MAP4K3: variants seen among roughly 807,000 people sequenced by gnomAD.
MAP4K3 encodes mitogen-activated protein kinase kinase kinase kinase 3.
MAP4K3 carries 94 observed loss-of-function variants against 143.5 expected under a neutral mutation model. That is an observed-to-expected ratio of 0.65 (90% CI 0.55 to 0.78). MAP4K3 has a LOEUF of 0.78. Ranked by LOEUF, MAP4K3 falls within the 30% of genes least tolerant of loss-of-function variation. The pLI, the probability that MAP4K3 is intolerant of heterozygous loss-of-function variation, is 0.00. For missense variants in MAP4K3, 1,077 were observed against 1,068.1 expected (o/e 1.01, Z -0.12); for synonymous variants, 416 against 347.2 (o/e 1.20, Z -2.20).
At chr2:39,389,038 C>G (rs996851617) in intron 1 of MAP4K3, among the ~76,000 whole-genome samples, 5 of 152,016 alleles carry the variant, frequency 3.3e-5, no homozygotes, top group African/African-American at 1.2e-4. Context: ...ACATTACAAT[C>G]AAGTACGCTT....
intron 3 of MAP4K3, among the ~76,000 whole-genome samples, chr2:39,348,916 A>G (rs1450969437): frequency 2.0e-5 from 3 of 152,204 alleles, no homozygotes; most frequent in Non-Finnish European, 4.4e-5. Flanking sequence ...AAAACTGACC[A>G]AACTAAGTAT....
At chr2:39,432,296 T>C (rs1436850241) in intron 1 of MAP4K3, among the ~76,000 whole-genome samples, 2 of 152,236 alleles carry the variant, frequency 1.3e-5, no homozygotes, top group African/African-American at 4.8e-5. Flanking sequence ...AAGTACTTCC[T>C]TTAGGTAATC....
intron 1 of MAP4K3, among the ~76,000 whole-genome samples, chr2:39,395,644 T>C (rs1558685901): frequency 1.3e-5 from 2 of 152,164 alleles, no homozygotes; most frequent in African/African-American, 4.8e-5. Flanking sequence ...TATTTATCCA[T>C]TACCATTTAC....
At chr2:39,394,012 A>T (rs368506396) in intron 1 of MAP4K3, among the ~76,000 whole-genome samples, 112 of 152,258 alleles carry the variant, frequency 7.4e-4, no homozygotes, top group African/African-American at 2.5e-3. Context: ...TTTCAAAGTA[A>T]ATTAAATTAA....
At chr2:39,387,726 A>G (rs1266042887) in intron 1 of MAP4K3, among the ~76,000 whole-genome samples, 1 of 152,224 alleles carries the variant, frequency 6.6e-6, no homozygotes, top group Non-Finnish European at 1.5e-5. Flanking sequence ...ATAAGAAAAG[A>G]GCAGATCTCC....
At chr2:39,330,197 C>T (rs1458287621) in intron 8 of MAP4K3, among the ~76,000 whole-genome samples, 1 of 151,814 alleles carries the variant, frequency 6.6e-6, no homozygotes, top group Non-Finnish European at 1.5e-5. Flanking sequence ...AAAGTAAAAA[C>T]AATAAAAAAA....
At chr2:39,384,789 T>C (rs1336059113) in intron 1 of MAP4K3, among the ~76,000 whole-genome samples, 4 of 152,168 alleles carry the variant, frequency 2.6e-5, no homozygotes, top group Non-Finnish European at 5.9e-5. Context: ...GACAATAAAA[T>C]GGATTTTTAA....
At chr2:39,274,395 T>G (rs1037924445) in intron 24 of MAP4K3, among the ~76,000 whole-genome samples, 3 of 151,964 alleles carry the variant, frequency 2.0e-5, no homozygotes, top group African/African-American at 4.8e-5. Context: ...TTTTTTTTTG[T>G]ATTTTTAGTA....
At chr2:39,435,307 A>C (rs1226360312) in intron 1 of MAP4K3, among the ~76,000 whole-genome samples, 7 of 152,188 alleles carry the variant, frequency 4.6e-5, no homozygotes, top group Non-Finnish European at 1.0e-4. Context: ...AGCCTGCAAT[A>C]GTTCCCCATT....
At chr2:39,365,826 T>C (rs1446303058) in intron 2 of MAP4K3, among the ~76,000 whole-genome samples, 1 of 152,200 alleles carries the variant, frequency 6.6e-6, no homozygotes, top group Non-Finnish European at 1.5e-5. Context: ...TCTCATGCCA[T>C]TGTTATGGGT....
At chr2:39,321,802 G>C (rs1471318979) in intron 12 of MAP4K3, among the ~76,000 whole-genome samples, 3 of 152,234 alleles carry the variant, frequency 2.0e-5, no homozygotes, top group Non-Finnish European at 4.4e-5. Flanking sequence ...AGATGTTTAT[G>C]TGTATGCATA....
At chr2:39,343,353 A>C in intron 4 of MAP4K3, 35 bp downstream of exon 4, 2 of 1,457,972 alleles carry the variant, frequency 1.4e-6, no homozygotes, top group South Asian at 2.3e-5. Flanking sequence ...AAGAAATTCA[A>C]CCTAACCCCT....
chr2:39,306,023 T>A (rs1045884956), intron 15 of MAP4K3, among the ~76,000 whole-genome samples: 11 of 152,074 alleles, frequency 7.2e-5, no homozygotes, highest in Admixed American at 5.9e-4. Context: ...AGAGACAGGG[T>A]TTCACCATGT....
intron 27 of MAP4K3, among the ~76,000 whole-genome samples, chr2:39,266,100 C>T (rs1263450748): frequency 1.3e-5 from 2 of 152,188 alleles, no homozygotes; most frequent in African/African-American, 4.8e-5. Context: ...CTATAATTAA[C>T]TTTTCCTAAA....
intron 1 of MAP4K3, among the ~76,000 whole-genome samples, chr2:39,381,733 C>T (rs1666360483): frequency 6.6e-6 from 1 of 152,086 alleles, no homozygotes; most frequent in South Asian, 2.1e-4. Context: ...TAATCTGGCC[C>T]CCATCTATAT....
chr2:39,337,305 T>A (rs72925290), intron 5 of MAP4K3, among the ~76,000 whole-genome samples: 10,456 of 152,236 alleles, frequency 0.069, 1,225 homozygotes, highest in African/African-American at 0.24. Context: ...AACAGATGCA[T>A]AGTGCTTAAA....
At chr2:39,420,537 C>T (rs954729124) in intron 1 of MAP4K3, among the ~76,000 whole-genome samples, 3 of 151,696 alleles carry the variant, frequency 2.0e-5, no homozygotes, top group Non-Finnish European at 4.4e-5. Context: ...CTGCTTCAGC[C>T]TCCCAAGTAG....
intron 1 of MAP4K3, among the ~76,000 whole-genome samples, chr2:39,414,067 C>T (rs1413636319): frequency 6.6e-6 from 1 of 152,096 alleles, no homozygotes; most frequent in African/African-American, 2.4e-5. Context: ...AGCTTTAAAG[C>T]ACTCTCATAG....
rs375831909 is a variant in MAP4K3, at chr2:39,325,483, T to C, written c.918+35A>G. 1.1e-5 allele frequency: 15 copies of C among 1,365,130 alleles called. No individual in the cohort carries two copies. In the African/African-American group the frequency reaches 2.0e-4, roughly 18 times the overall value. 84.6% of individuals were successfully genotyped at this position (1,365,130 alleles called of 1,614,324 possible). A position where few individuals can be genotyped will look rare whatever the true frequency, so the allele number is the denominator to read the frequency against. ...ACACATATATACATACACATATACA[T>C]GTTATATATGCCCGCTGGTAAAAGC... On this transcript the variant is annotated intron_variant, in intron 12 of 33. Coordinates refer to ENST00000263881, the MANE Select transcript of MAP4K3 (RefSeq NM_003618.4).
Sources: gnomAD v4.1 joint callset for allele counts (sites outside exome capture counted in the v4.1 genomes callset) on GRCh38, gnomAD v4.1.1 for gene constraint, MANE v1.5 for transcripts, NCBI Gene and HGNC (gene_info 2026-07-23, HGNC 2026-07-21) for gene names.